CLYBL: variants seen among roughly 807,000 people sequenced by gnomAD.
CLYBL encodes citramalyl-CoA lyase, mitochondrial.
Under a neutral mutation model 38.9 loss-of-function variants are expected in CLYBL, and 31 were observed. The ratio of observed to expected loss-of-function variants is 0.80; its 90% CI spans 0.60 to 1.08. The LOEUF (loss-of-function observed/expected upper bound fraction) is 1.08. CLYBL is among the 50% of genes least tolerant of loss of function. The probability of loss-of-function intolerance (pLI) is 0.00; values close to 1 mark genes in which losing one functional copy is unlikely to be tolerated. For synonymous variants in CLYBL, 171 were observed against 158.6 expected (o/e 1.08, Z -0.59); for missense variants, 434 against 411.6 (o/e 1.05, Z -0.47).
intron 2 of CLYBL, among the ~76,000 whole-genome samples, chr13:99,827,432 A>C (rs1219932509): frequency 6.6e-6 from 1 of 152,172 alleles, no homozygotes; most frequent in Non-Finnish European, 1.5e-5. Context: ...TTGATGAGGA[A>C]TGTAGTCACA....
chr13:99,734,857 G>A (rs919974162), intron 1 of CLYBL, among the ~76,000 whole-genome samples: 1 of 152,100 alleles, frequency 6.6e-6, no homozygotes, highest in Non-Finnish European at 1.5e-5. Context: ...CTTCTCACAA[G>A]TAGAACTATA....
chr13:99,668,259 G>GCGAAAC, intron 1 of CLYBL, among the ~76,000 whole-genome samples: 2 of 133,102 alleles, frequency 1.5e-5, no homozygotes, highest in Middle Eastern at 3.8e-3. Flanking sequence ...GGGCGACAGA[G>GCGAAAC]TGAGCCCTTG....
At chr13:99,668,585 CAAA>C (rs61178644) in intron 1 of CLYBL, among the ~76,000 whole-genome samples, 8 of 133,734 alleles carry the variant, frequency 6.0e-5, no homozygotes, top group African/African-American at 2.0e-4. Context: ...AACTCCATCT[CAAA>C]AAAAAAAAAA....
rs1566340095 is a variant in CLYBL at position 99,819,438 on chromosome 13, ATATATATATATATATATAT to A, written c.250-39422_250-39404del. Among the ~76,000 whole-genome samples, 39 of 104,978 alleles carry A rather than the reference ATATATATATATATATATAT, an allele frequency of 3.7e-4. 1 individual carries two copies. Among genetic ancestry groups the A allele is most frequent in the African/African-American group, 1.3e-3 (37 of 27,700 alleles). 68.9% of individuals were successfully genotyped at this position (104,978 alleles called of 152,430 possible). A position where few individuals can be genotyped will look rare whatever the true frequency, so the allele number is the denominator to read the frequency against. The stretch of plus-strand genomic sequence containing the variant: ...AATTTATATATATATATATATATAT[ATATATATATATATATATAT>A]ATATATATATAATATTTGTCAGGGT... On this transcript the variant is annotated intron_variant, in intron 2 of 8. Transcript: ENST00000339105.
At chr13:99,634,130 AAAG>A (rs1260277083) in intron 1 of CLYBL, among the ~76,000 whole-genome samples, 1 of 152,204 alleles carries the variant, frequency 6.6e-6, no homozygotes, top group African/African-American at 2.4e-5. Flanking sequence ...CCTGAGAAAA[AAAG>A]AAGGTGCACA....
chr13:99,848,832 G>T (rs567016526), intron 2 of CLYBL, among the ~76,000 whole-genome samples: 2 of 152,144 alleles, frequency 1.3e-5, no homozygotes, highest in Admixed American at 1.3e-4. Context: ...TGAGCATGGC[G>T]GTGGTTAATA....
At chr13:99,760,213 T>C (rs2049139548) in intron 1 of CLYBL, among the ~76,000 whole-genome samples, 1 of 152,266 alleles carries the variant, frequency 6.6e-6, no homozygotes. Context: ...TTCTTTTTTC[T>C]TAGCCTACTA....
chr13:99,703,595 C>A (rs1375928214), intron 1 of CLYBL, among the ~76,000 whole-genome samples: 1 of 152,136 alleles, frequency 6.6e-6, no homozygotes, highest in Non-Finnish European at 1.5e-5. Context: ...AGTCCGATCT[C>A]CTGACCTCGT....
At chr13:99,735,484 C>T (rs2048652479) in intron 1 of CLYBL, among the ~76,000 whole-genome samples, 1 of 151,736 alleles carries the variant, frequency 6.6e-6, no homozygotes, top group Non-Finnish European at 1.5e-5. Context: ...GTGTGAGCCA[C>T]CACACCCAGC....
At chr13:99,816,776 G>A (rs2050457368) in intron 2 of CLYBL, among the ~76,000 whole-genome samples, 1 of 152,184 alleles carries the variant, frequency 6.6e-6, no homozygotes, top group African/African-American at 2.4e-5. Flanking sequence ...AGAACTGTGA[G>A]AAAGAAATTT....
intron 2 of CLYBL, among the ~76,000 whole-genome samples, chr13:99,788,713 CA>C (rs1374991911): frequency 1.3e-5 from 2 of 152,184 alleles, no homozygotes; most frequent in African/African-American, 4.8e-5. Context: ...ATGCTGGCCT[CA>C]TAAAATGAGT....
intron 1 of CLYBL, among the ~76,000 whole-genome samples, chr13:99,630,063 C>A (rs2046921843): frequency 1.4e-5 from 2 of 138,490 alleles, no homozygotes; most frequent in Non-Finnish European, 3.2e-5. Context: ...TGTGGCTTCT[C>A]TGCCTAGGTA....
rs1220518144 is a variant in CLYBL, at chr13:99,855,254, ATT to A, written c.250-3604_250-3603del. ...TAGAATGCAGTCCCTCTCAAACCTC[ATT>A]TTAAACAACCTGTATTACTCCTAGG... On this transcript the variant is annotated intron_variant, in intron 2 of 8. Coordinates refer to ENST00000339105, the MANE Select transcript of CLYBL (RefSeq NM_206808.5). Among the ~76,000 whole-genome samples, 3 of 152,160 alleles carry A rather than the reference ATT, an allele frequency of 2.0e-5. No homozygotes were observed. The East Asian group carries it at 5.8e-4, about 29-fold the overall frequency.
intron 7 of CLYBL, among the ~76,000 whole-genome samples, chr13:99,887,281 C>T (rs1482206599): frequency 2.0e-5 from 3 of 152,164 alleles, no homozygotes; most frequent in Non-Finnish European, 2.9e-5. Flanking sequence ...ACAGAACACA[C>T]TCAGAGAACC....
chr13:99,904,022 A>G (rs1184482124), intron 8 of CLYBL, among the ~76,000 whole-genome samples: 31 of 151,070 alleles, frequency 2.1e-4, no homozygotes, highest in African/African-American at 6.9e-4. Context: ...TCCAGCCTGG[A>G]TGACAGAGTG....
At chr13:99,680,330 A>C (rs999446468) in intron 1 of CLYBL, among the ~76,000 whole-genome samples, 1 of 152,204 alleles carries the variant, frequency 6.6e-6, no homozygotes, top group African/African-American at 2.4e-5. Context: ...ATTTTCCTAG[A>C]TTCTACTTTC....
intron 2 of CLYBL, among the ~76,000 whole-genome samples, chr13:99,827,751 G>A (rs1381325338): frequency 6.6e-6 from 1 of 152,210 alleles, no homozygotes; most frequent in Admixed American, 6.5e-5. Flanking sequence ...TACATGCAAG[G>A]CTCAGACTCT....
At chr13:99,644,210 ATATGTGG>A (rs2047141865) in intron 1 of CLYBL, among the ~76,000 whole-genome samples, 1 of 139,796 alleles carries the variant, frequency 7.2e-6, no homozygotes, top group Admixed American at 7.4e-5. Flanking sequence ...GTGTATGTGT[ATATGTGG>A]TGTATGTATA....
At chr13:99,641,197 T>A (rs533513199) in intron 1 of CLYBL, among the ~76,000 whole-genome samples, 2 of 152,202 alleles carry the variant, frequency 1.3e-5, no homozygotes, top group African/African-American at 4.8e-5. Flanking sequence ...CTCAATGATA[T>A]AAGTTTTTTG....
Sources: gnomAD v4.1 joint callset for allele counts (sites outside exome capture counted in the v4.1 genomes callset) on GRCh38, gnomAD v4.1.1 for gene constraint, MANE v1.5 for transcripts, NCBI Gene and HGNC (gene_info 2026-07-23, HGNC 2026-07-21) for gene names.